Variants in NR5A2 observed in about 807,000 individuals in gnomAD.
The protein encoded by NR5A2 is nuclear receptor subfamily 5 group A member 2.
Under a neutral mutation model 62.7 loss-of-function variants are expected in NR5A2, and 26 were observed. The observed-to-expected ratio is 0.41, with a 90% CI of 0.30 to 0.58. The LOEUF (loss-of-function observed/expected upper bound fraction) is 0.58, where lower values mean the gene tolerates loss of function less well. Among genes scored for constraint, NR5A2 ranks in the 20% least tolerant of loss-of-function variants. The pLI is 0.22. For synonymous variants in NR5A2, 246 were observed against 241.7 expected, an observed-to-expected ratio of 1.02 and a Z score of -0.16; for missense variants, 541 against 669.1, an observed-to-expected ratio of 0.81 and a Z score of 2.11.
intron 6 of NR5A2, among the ~76,000 whole-genome samples, chr1:200,113,074 A>G (rs144275177): frequency 3.9e-5 from 6 of 152,372 alleles, no homozygotes; most frequent in African/African-American, 1.4e-4. Flanking sequence ...TTTCAAAACC[A>G]AGAACAATCA....
chr1:200,029,400 A>G (rs1661467865), intron 1 of NR5A2: 1 of 154,936 alleles, frequency 6.5e-6, no homozygotes, highest in Admixed American at 6.5e-5. Flanking sequence ...AGGTAGGGGA[A>G]AGAGACGCTG....
intron 5 of NR5A2, among the ~76,000 whole-genome samples, chr1:200,100,979 T>G (rs1436698017): frequency 6.6e-6 from 1 of 152,246 alleles, no homozygotes; most frequent in Non-Finnish European, 1.5e-5. Flanking sequence ...CTTATTTTCC[T>G]GCCTTTATTT....
intron 5 of NR5A2, among the ~76,000 whole-genome samples, chr1:200,054,725 T>C (rs1205186408): frequency 2.6e-5 from 4 of 152,164 alleles, no homozygotes; most frequent in Non-Finnish European, 5.9e-5. Context: ...GCAAACCTTC[T>C]TTTTTCTCTA....
At position 200,043,898 on chromosome 1, in the gene NR5A2, C is replaced by A. The variant is rs1662237617; in HGVS notation, c.321+6C>A. On this transcript the variant is annotated splice_donor_region_variant and intron_variant, in intron 3 of 7. Transcript: ENST00000367362. ...TCACCTGTGAAAGCTGCAAGGTTTG[C>A]TCACACATTGCTACCTGAAAAATAT... The A allele has an allele frequency of 1.9e-6, 3 of 1,548,444 alleles. No individual in the cohort carries two copies. The highest frequency in any genetic ancestry group is 1.4e-5 in the African/African-American group (1 of 73,646).
chr1:200,138,170 A>C (rs1667307249), intron 7 of NR5A2, among the ~76,000 whole-genome samples: 1 of 152,176 alleles, frequency 6.6e-6, no homozygotes, highest in South Asian at 2.1e-4. Flanking sequence ...TGTTAAAAGA[A>C]CATTTTTCTC....
intron 7 of NR5A2, among the ~76,000 whole-genome samples, chr1:200,156,490 C>T (rs991546012): frequency 1.1e-4 from 17 of 152,074 alleles, no homozygotes; most frequent in Admixed American, 8.5e-4. Context: ...TTCTGCCTCC[C>T]GGGTTCAAGC....
intron 7 of NR5A2, among the ~76,000 whole-genome samples, chr1:200,134,994 C>CA (rs531321429): frequency 6.2e-4 from 95 of 152,332 alleles, no homozygotes; most frequent in African/African-American, 2.1e-3. Context: ...CTGTGGAGAA[C>CA]ATTTTATTTA....
intron 5 of NR5A2, among the ~76,000 whole-genome samples, chr1:200,089,927 C>T (rs1177192098): frequency 2.0e-5 from 3 of 152,236 alleles, no homozygotes; most frequent in Non-Finnish European, 2.9e-5. Flanking sequence ...CTCTCCATCT[C>T]GTCTCACCTG....
rs755108930 is a variant in NR5A2, at chr1:200,039,765, G to C, written c.172G>C (p.Glu58Gln). The C allele has an allele frequency of 6.2e-7, 1 of 1,609,452 alleles. No homozygotes were observed. The highest frequency in any genetic ancestry group is 8.5e-7 in the Non-Finnish European group (1 of 1,178,070). The part of the protein sequence containing the change: ...EALGLARSHG[E>Q]QGQMPENMQV... The stretch of plus-strand genomic sequence containing the variant: ...CCTGGGACTGGCTCGATCGCATGGG[G>C]AACAGGGCCAGATGCCGGAAAACAT... Residue 58 changes from glutamate (E) to glutamine (Q), a missense_variant, in exon 2 of 8, where the codon GAA becomes CAA. By Grantham distance (29) the Glu-to-Gln change is conservative. Coordinates refer to ENST00000367362, the MANE Select transcript of NR5A2 (RefSeq NM_205860.3). This position sits in a 1 kb window ranked among gnomAD's most constrained non-coding sequence, Gnocchi z 5.1.
intron 7 of NR5A2, among the ~76,000 whole-genome samples, chr1:200,160,057 G>C (rs907965497): frequency 6.6e-6 from 1 of 152,168 alleles, no homozygotes; most frequent in Non-Finnish European, 1.5e-5. Flanking sequence ...TTCTGCGTGA[G>C]CTGGTATCGC....
intron 6 of NR5A2, among the ~76,000 whole-genome samples, chr1:200,116,584 A>C (rs1015252617): frequency 6.6e-6 from 1 of 152,208 alleles, no homozygotes. Flanking sequence ...ACACCAGTAC[A>C]TTGTATATTG....
chr1:200,102,733 A>G (rs911624627), intron 5 of NR5A2, among the ~76,000 whole-genome samples: 1 of 152,208 alleles, frequency 6.6e-6, no homozygotes, highest in Admixed American at 6.5e-5. Flanking sequence ...TTTTCAGTCT[A>G]TATGCACTCA....
chr1:200,095,147 C>A (rs1665024519), intron 5 of NR5A2, among the ~76,000 whole-genome samples: 1 of 149,790 alleles, frequency 6.7e-6, no homozygotes, highest in African/African-American at 2.5e-5. Context: ...AAAAAAAGAT[C>A]TCACTGTTTC....
At chr1:200,140,261 G>A (rs1466876637) in intron 7 of NR5A2, among the ~76,000 whole-genome samples, 1 of 151,236 alleles carries the variant, frequency 6.6e-6, no homozygotes, top group Non-Finnish European at 1.5e-5. Context: ...TCTTTTTATA[G>A]AGACAAGGTC....
intron 6 of NR5A2, among the ~76,000 whole-genome samples, chr1:200,117,256 A>C (rs1666261228): frequency 6.6e-6 from 1 of 152,244 alleles, no homozygotes. Flanking sequence ...TGAAAATATA[A>C]TTATGTTTGT....
At chr1:200,087,110 G>A (rs10800665) in intron 5 of NR5A2, among the ~76,000 whole-genome samples, 79,775 of 151,888 alleles carry the variant, frequency 0.53, 21,065 homozygotes, top group African/African-American at 0.58. Flanking sequence ...AAGGGTCTTT[G>A]TTCAGGTGGT....
intron 7 of NR5A2, among the ~76,000 whole-genome samples, chr1:200,138,866 A>G (rs1012106073): frequency 6.6e-6 from 1 of 152,168 alleles, no homozygotes; most frequent in African/African-American, 2.4e-5. Flanking sequence ...CTTTTATTTC[A>G]AAATAGTCTT....
intron 5 of NR5A2, among the ~76,000 whole-genome samples, chr1:200,076,446 T>C (rs1469523460): frequency 2.2e-5 from 3 of 135,030 alleles, no homozygotes; most frequent in East Asian, 4.2e-4. Flanking sequence ...CAGTGATTCA[T>C]GCCCAGGAAT....
intron 5 of NR5A2, among the ~76,000 whole-genome samples, chr1:200,064,482 G>A (rs1465618871): frequency 6.6e-6 from 1 of 152,190 alleles, no homozygotes; most frequent in East Asian, 1.9e-4. Context: ...GCACTTCTTG[G>A]AAACTTCAAG....
Sources: gnomAD v4.1 joint callset for allele counts (sites outside exome capture counted in the v4.1 genomes callset) on GRCh38, gnomAD v4.1.1 for gene constraint, Gnocchi (gnomAD v3.1) non-coding constraint, MANE v1.5 for transcripts, NCBI Gene and HGNC (gene_info 2026-07-23, HGNC 2026-07-21) for gene names.